Variants in CYP39A1 observed in about 807,000 individuals in gnomAD.
The protein encoded by CYP39A1 is cytochrome P450 family 39 subfamily A member 1.
CYP39A1 carries 49 observed loss-of-function variants against 58.1 expected under a neutral mutation model. The observed-to-expected ratio is 0.84, with a 90% CI of 0.67 to 1.07. CYP39A1 has a LOEUF of 1.07. Ranked by LOEUF, CYP39A1 falls within the 50% of genes least tolerant of loss-of-function variation. The pLI is 0.00. For missense variants in CYP39A1, 531 were observed against 539.4 expected (o/e 0.98, Z 0.16); for synonymous variants, 209 against 187.6 (o/e 1.11, Z -0.93).
chr6:46,574,862 G>A (rs1771768940), intron 10 of CYP39A1, among the ~76,000 whole-genome samples: 1 of 151,564 alleles, frequency 6.6e-6, no homozygotes, highest in Admixed American at 6.6e-5. Flanking sequence ...AGCCAAGATG[G>A]CCAACTAGAT....
At chr6:46,617,127 T>C (rs772124723) in intron 7 of CYP39A1, among the ~76,000 whole-genome samples, 2 of 152,134 alleles carry the variant, frequency 1.3e-5, no homozygotes, top group African/African-American at 2.4e-5. Flanking sequence ...CTTAATTTCT[T>C]TGGGTAATTC....
chr6:46,642,318 G>T lies in CYP39A1; in HGVS notation c.178-20C>A, dbSNP rs748804489. On this transcript the variant is annotated intron_variant, in intron 1 of 11. Transcript: ENST00000275016. ...TCCATACTGAAATAAAACAAACATA[G>T]ATTATATTAGTAAGCATTCCTAAGC... is the stretch of plus-strand genomic sequence containing the variant. 1 of 1,603,632 alleles carries T rather than the reference G, an allele frequency of 6.2e-7. No homozygotes were observed. The highest frequency in any genetic ancestry group is 1.1e-5 in the South Asian group (1 of 89,300).
chr6:46,600,714 G>C (rs903677930), intron 7 of CYP39A1, among the ~76,000 whole-genome samples: 4 of 152,188 alleles, frequency 2.6e-5, no homozygotes, highest in Admixed American at 2.0e-4. Flanking sequence ...CCCAACTTCA[G>C]AGAAAGAAGC....
At chr6:46,564,346 A>G (rs2150487257) in intron 10 of CYP39A1, among the ~76,000 whole-genome samples, 1 of 151,810 alleles carries the variant, frequency 6.6e-6, no homozygotes, top group East Asian at 1.9e-4. Flanking sequence ...GGCACCCACC[A>G]TTACACCCAA....
At chr6:46,644,054 T>C (rs1236902904) in intron 1 of CYP39A1, among the ~76,000 whole-genome samples, 1 of 152,204 alleles carries the variant, frequency 6.6e-6, no homozygotes, top group Non-Finnish European at 1.5e-5. Flanking sequence ...TTGACATTGA[T>C]ACAGTCAAGA....
At chr6:46,587,269 T>C (rs1772526481) in intron 9 of CYP39A1, 104 bp from the exon 10 acceptor site, 1 of 768,008 alleles carries the variant, frequency 1.3e-6, no homozygotes, top group East Asian at 2.7e-5. Flanking sequence ...TCCTTGCATA[T>C]AAAGTTGCAG....
chr6:46,616,008 CCCCTCCCTCCCCCT>C, intron 7 of CYP39A1, among the ~76,000 whole-genome samples: 1 of 1,922 alleles, frequency 5.2e-4, no homozygotes, highest in African/African-American at 1.9e-3. Flanking sequence ...CCCTCCCTCC[CCCCTCCCTCCCCCT>C]CCCTCCCTCC....
At chr6:46,553,717 A>G (rs765288128) in intron 11 of CYP39A1, 50 bp downstream of exon 11, 1 of 1,245,774 alleles carries the variant, frequency 8.0e-7, no homozygotes, top group Admixed American at 1.7e-5. Flanking sequence ...GGGGGTGGTT[A>G]TGTCATATTT....
intron 1 of CYP39A1, among the ~76,000 whole-genome samples, chr6:46,648,819 A>C (rs942322947): frequency 2.0e-5 from 3 of 152,214 alleles, no homozygotes; most frequent in Non-Finnish European, 4.4e-5. Context: ...AGTTAAAAAA[A>C]AAAACAAATA....
Position 46,589,436 on chromosome 6 carries a change from G to A in CYP39A1, c.1066-1307C>T, listed in dbSNP as rs150303767. Among the ~76,000 whole-genome samples, 477 of 152,230 alleles carry A rather than the reference G, an allele frequency of 3.1e-3. 1 individual carries two copies. Among genetic ancestry groups the A allele is most frequent in the Non-Finnish European group, 4.9e-3 (334 of 68,008 alleles). ...CCACTGTACTCTAGCCTGGGAGACA[G>A]AGTGACATTCTGTCTCGAAGAAAAA... On this transcript the variant is annotated intron_variant, in intron 8 of 11. Coordinates refer to ENST00000275016, the MANE Select transcript of CYP39A1 (RefSeq NM_016593.5).
At chr6:46,649,141 C>T (rs546921344) in intron 1 of CYP39A1, among the ~76,000 whole-genome samples, 46 of 152,322 alleles carry the variant, frequency 3.0e-4, no homozygotes, top group Non-Finnish European at 3.7e-4. Flanking sequence ...GTATTCACTA[C>T]CCAGCTGACA....
intron 10 of CYP39A1, among the ~76,000 whole-genome samples, chr6:46,585,352 T>TAGAC (rs1399675303): frequency 6.6e-6 from 1 of 151,434 alleles, no homozygotes; most frequent in Non-Finnish European, 1.5e-5. Flanking sequence ...GATAGATAGA[T>TAGAC]AGATAGATAG....
chr6:46,587,026 T>C lies in CYP39A1; in HGVS notation c.1250+51A>G. The C allele has an allele frequency of 1.5e-6, 2 of 1,321,486 alleles. 1 individual carries two copies. Among genetic ancestry groups the C allele is most frequent in the South Asian group, 2.5e-5 (2 of 81,618 alleles). 81.9% of individuals were successfully genotyped at this position (1,321,486 alleles called of 1,614,324 possible). A position where few individuals can be genotyped will look rare whatever the true frequency, so the allele number is the denominator to read the frequency against. On this transcript the variant is annotated intron_variant, in intron 10 of 11. Transcript: ENST00000275016. ...GCCAAAGTTGTTCCCCTCTGAGCCA[T>C]CATCTTTCTGCAGACTTTCTGGATA... is the stretch of plus-strand genomic sequence containing the variant.
chr6:46,639,733 A>G, intron 2 of CYP39A1, 65 bp from the exon 3 acceptor site: 2 of 1,371,990 alleles, frequency 1.5e-6, no homozygotes, highest in Non-Finnish European at 2.0e-6. Context: ...GTCAATATAT[A>G]TCTACTATTA....
intron 11 of CYP39A1, among the ~76,000 whole-genome samples, chr6:46,552,129 T>C (rs1010120551): frequency 6.6e-6 from 1 of 152,240 alleles, no homozygotes; most frequent in African/African-American, 2.4e-5. Context: ...CTAATCTCCA[T>C]GGTTTTAACC....
chr6:46,600,963 G>A lies in CYP39A1; in HGVS notation c.932-4843C>T, dbSNP rs187337837. Among the ~76,000 whole-genome samples, 6 of 152,262 alleles carry A rather than the reference G, an allele frequency of 3.9e-5. No individual in the cohort carries two copies. In the East Asian group the frequency reaches 1.2e-3, roughly 29 times the overall value. ...CCTGGGGCTGTACTAATTTCAATGG[G>A]CATCTGAAGTTGGGGAGAGTCTTGC... On this transcript the variant is annotated intron_variant, in intron 7 of 11. Transcript: ENST00000275016.
chr6:46,647,750 C>G (rs1762417104), intron 1 of CYP39A1, among the ~76,000 whole-genome samples: 1 of 152,110 alleles, frequency 6.6e-6, no homozygotes, highest in South Asian at 2.1e-4. Flanking sequence ...ATTTTTTCAT[C>G]TGTCTGTTGG....
rs550490113 is a variant in CYP39A1 at position 46,623,802 on chromosome 6, T to C, written c.931+1616A>G. 3.9e-5 allele frequency among the ~76,000 whole-genome samples: 6 copies of C among 152,228 alleles called. No individual in the cohort carries two copies. The South Asian group carries it at 6.2e-4, about 16-fold the overall frequency. On this transcript the variant is annotated intron_variant, in intron 7 of 11. Coordinates refer to ENST00000275016, the MANE Select transcript of CYP39A1 (RefSeq NM_016593.5). Reference sequence around the variant, plus strand: ...AGATCTGTGGACTCCTCTCACAACATTTAAATTCCTGAGCTGCTACTAGAT... The same window carrying C: ...AGATCTGTGGACTCCTCTCACAACACTTAAATTCCTGAGCTGCTACTAGAT...
Position 46,625,501 on chromosome 6 carries a change from A to G in CYP39A1, c.848T>C (p.Phe283Ser), listed in dbSNP as rs777159592. The G allele has an allele frequency of 1.1e-5, 17 of 1,607,276 alleles. No homozygotes were observed. The highest frequency in any genetic ancestry group is 1.4e-5 in the Non-Finnish European group (17 of 1,176,628). Residue 283 changes from phenylalanine (F) to serine (S), a missense_variant, in exon 7 of 12, where the codon TTT (phenylalanine) becomes TCT (serine). Coordinates refer to ENST00000275016, the MANE Select transcript of CYP39A1 (RefSeq NM_016593.5). ...AGAAAGGACGTATGCAAGTGTCCAA[A>G]ATGCAACCTTAAAAAGAAAAACATA... ...ASLSNAVPVA[F>S]WTLAYVLSHP...
Sources: gnomAD v4.1 joint callset for allele counts (sites outside exome capture counted in the v4.1 genomes callset) on GRCh38, gnomAD v4.1.1 for gene constraint, MANE v1.5 for transcripts, NCBI Gene and HGNC (gene_info 2026-07-23, HGNC 2026-07-21) for gene names.